EPM2A: variants seen among roughly 807,000 people sequenced by gnomAD.
The protein encoded by EPM2A is EPM2A glucan phosphatase, laforin.
In EPM2A, 21 loss-of-function variants were observed where a neutral mutation model predicts 26.5. The observed-to-expected ratio is 0.79, with a 90% CI of 0.56 to 1.14. EPM2A has a LOEUF of 1.14. Among genes scored for constraint, EPM2A ranks in the 50% most tolerant of loss-of-function variants. The pLI is 0.00. For synonymous variants in EPM2A, 217 were observed against 177.6 expected (o/e 1.22, Z -1.76); for missense variants, 458 against 440.8 (o/e 1.04, Z -0.35).
intron 2 of EPM2A, among the ~76,000 whole-genome samples, chr6:145,577,370 C>CAA (rs57227362): frequency 2.1e-4 from 29 of 138,832 alleles, no homozygotes; most frequent in African/African-American, 7.5e-4. Context: ...AAAATGGAAA[C>CAA]AAAAAAAAAA....
intron 2 of EPM2A, among the ~76,000 whole-genome samples, chr6:145,674,698 G>C (rs1375913745): frequency 1.3e-5 from 2 of 151,938 alleles, no homozygotes; most frequent in African/African-American, 4.8e-5. Context: ...AGTGATTGAA[G>C]ATCAAATTAA....
intron 2 of EPM2A, among the ~76,000 whole-genome samples, chr6:145,584,208 G>A (rs1781155617): frequency 1.3e-5 from 2 of 152,202 alleles, no homozygotes; most frequent in Non-Finnish European, 2.9e-5. Flanking sequence ...GAAGGCTGCA[G>A]GTGAGCTTGT....
At chr6:145,735,101 C>CCGGGGCCTG in intron 1 of EPM2A, 97 bp downstream of exon 1, 1 of 851,378 alleles carries the variant, frequency 1.2e-6, no homozygotes, top group Non-Finnish European at 1.6e-6. Flanking sequence ...ACGCGCGCCG[C>CCGGGGCCTG]CGGGGCCTGC....
chr6:145,550,771 A>G lies in EPM2A; in HGVS notation c.341-48196T>C, dbSNP rs117225735. Among the ~76,000 whole-genome samples, 87 of 152,184 alleles carry G rather than the reference A, an allele frequency of 5.7e-4. 3 individuals are homozygous for G. The East Asian group carries it at 0.013, about 23-fold the overall frequency. ...GAATAGGAAATATATGTCCTTTCAT[A>G]TGGTTTTCTTAATAACATTTTTTAT... On this transcript the variant is annotated intron_variant, in intron 2 of 3. Transcript: ENST00000450221.
intron 2 of EPM2A, among the ~76,000 whole-genome samples, chr6:145,536,583 C>T (rs1007138286): frequency 4.6e-5 from 7 of 150,976 alleles, no homozygotes; most frequent in Non-Finnish European, 8.9e-5. Context: ...AGGTGTGAGC[C>T]ACTGCACCTG....
At chr6:145,609,056 A>T (rs936179868) in intron 2 of EPM2A, among the ~76,000 whole-genome samples, 1 of 152,254 alleles carries the variant, frequency 6.6e-6, no homozygotes, top group Non-Finnish European at 1.5e-5. Context: ...AACAGTAAAA[A>T]GAAGGAAGTT....
intron 4 of EPM2A, among the ~76,000 whole-genome samples, chr6:145,452,603 C>A (rs1211238125): frequency 6.9e-6 from 1 of 145,060 alleles, no homozygotes; most frequent in African/African-American, 2.6e-5. Flanking sequence ...ACCCAGGAGA[C>A]GGAGCTTGCA....
At chr6:145,696,772 GGTATGTGT>G (rs1425551116) in intron 1 of EPM2A, among the ~76,000 whole-genome samples, 93 of 110,796 alleles carry the variant, frequency 8.4e-4, no homozygotes, top group Non-Finnish European at 1.1e-3. Flanking sequence ...CACAGGTAGG[GGTATGTGT>G]GTGTGTGTGT....
chr6:145,411,163 T>C lies in EPM2A; in HGVS notation c.556-27066A>G, dbSNP rs566399936. On this transcript the variant is annotated intron_variant, in intron 4 of 4. Coordinates refer to the EPM2A transcript ENST00000638717. ...AGAAGCAGATACTATCTATGCATTG[T>C]CAATTTTGAAACAGAGGTCAAAAGG... Among the ~76,000 whole-genome samples the C allele has an allele frequency of 3.3e-5, 5 of 152,324 alleles. No homozygotes were observed. The East Asian group carries it at 9.7e-4, about 29-fold the overall frequency.
intron 1 of EPM2A, among the ~76,000 whole-genome samples, chr6:145,702,272 G>A (rs1217092057): frequency 6.6e-6 from 1 of 152,160 alleles, no homozygotes; most frequent in Admixed American, 6.5e-5. Flanking sequence ...AATACTTAAT[G>A]AGAGTGACCA....
At chr6:145,411,448 A>G (rs890227196) in intron 4 of EPM2A, among the ~76,000 whole-genome samples, 6 of 152,192 alleles carry the variant, frequency 3.9e-5, no homozygotes, top group Admixed American at 6.5e-5. Context: ...CACTTGAAAC[A>G]GTTCAAATGC....
At chr6:145,537,780 G>GTGTGT (rs1001973504) in intron 2 of EPM2A, among the ~76,000 whole-genome samples, 4 of 151,474 alleles carry the variant, frequency 2.6e-5, no homozygotes, top group Non-Finnish European at 4.4e-5. Context: ...AGGCCCCAGT[G>GTGTGT]TGTGTTGTTG....
chr6:145,729,754 C>T (rs1345161493), intron 1 of EPM2A, among the ~76,000 whole-genome samples: 2 of 152,090 alleles, frequency 1.3e-5, no homozygotes, highest in African/African-American at 4.8e-5. Flanking sequence ...TAAGCTGAGA[C>T]TTTGGGGGAC....
At chr6:145,578,746 T>C (rs1781071366) in intron 2 of EPM2A, among the ~76,000 whole-genome samples, 1 of 152,190 alleles carries the variant, frequency 6.6e-6, no homozygotes, top group African/African-American at 2.4e-5. Context: ...TGAAAGTATG[T>C]AATTTGGTAA....
intron 2 of EPM2A, among the ~76,000 whole-genome samples, chr6:145,671,845 C>T (rs761321168): frequency 3.9e-5 from 6 of 152,088 alleles, no homozygotes; most frequent in African/African-American, 7.2e-5. Flanking sequence ...CATGCTTTTA[C>T]AATACATTTT....
chr6:145,577,230 T>C (rs1179729471), intron 2 of EPM2A, among the ~76,000 whole-genome samples: 3 of 151,740 alleles, frequency 2.0e-5, no homozygotes, highest in East Asian at 1.9e-4. Flanking sequence ...TTAAAAGACA[T>C]AGAATGTCTG....
intron 2 of EPM2A, among the ~76,000 whole-genome samples, chr6:145,588,382 T>C (rs191658816): frequency 6.6e-6 from 1 of 152,224 alleles, no homozygotes; most frequent in African/African-American, 2.4e-5. Flanking sequence ...AGAAGAGAAT[T>C]GAAATTCTTC....
chr6:145,474,408 G>C (rs557840879), intron 4 of EPM2A, among the ~76,000 whole-genome samples: 3 of 152,144 alleles, frequency 2.0e-5, no homozygotes, highest in African/African-American at 7.2e-5. Context: ...GTGGCAGTGA[G>C]CCAAGATTGA....
intron 2 of EPM2A, among the ~76,000 whole-genome samples, chr6:145,604,874 T>C (rs1463340399): frequency 6.6e-6 from 1 of 152,146 alleles, no homozygotes; most frequent in Non-Finnish European, 1.5e-5. Context: ...GCATATTACC[T>C]CTAGCTATTT....
Sources: allele counts gnomAD v4.1 joint callset (sites outside exome capture counted in the v4.1 genomes callset), GRCh38; gene constraint gnomAD v4.1.1; transcripts MANE v1.5; gene names NCBI Gene and HGNC (gene_info 2026-07-23, HGNC 2026-07-21).